Variants in ARL13B observed in about 807,000 individuals in gnomAD.
The protein encoded by ARL13B is ADP-ribosylation factor-like protein 13B.
Under a neutral mutation model 56.1 loss-of-function variants are expected in ARL13B, and 36 were observed. That is an observed-to-expected ratio of 0.64 (90% CI 0.49 to 0.85). The LOEUF is 0.85. ARL13B is among the 40% of genes least tolerant of loss of function. The pLI, the probability that ARL13B is intolerant of heterozygous loss-of-function variation, is 0.00. For missense variants in ARL13B, 519 were observed against 507.1 expected, an observed-to-expected ratio of 1.02 and a Z score of -0.23; for synonymous variants, 178 against 171.1, an observed-to-expected ratio of 1.04 and a Z score of -0.32.
intron 1 of ARL13B, among the ~76,000 whole-genome samples, chr3:93,990,318 A>G (rs2075849600): frequency 6.6e-6 from 1 of 152,016 alleles, no homozygotes; most frequent in Non-Finnish European, 1.5e-5. Context: ...CAGTTTGAGT[A>G]TCTCTTAGCT....
chr3:94,000,057 TG>T (rs1006060351), intron 2 of ARL13B, among the ~76,000 whole-genome samples: 114 of 152,324 alleles, frequency 7.5e-4, no homozygotes, highest in African/African-American at 2.7e-3. Flanking sequence ...CTTTAGGAGC[TG>T]AACCAAAAGC....
chr3:94,048,539 T>C (rs1456302109), intron 7 of ARL13B, among the ~76,000 whole-genome samples: 1 of 152,184 alleles, frequency 6.6e-6, no homozygotes, highest in Non-Finnish European at 1.5e-5. Flanking sequence ...GTGTTTGTAT[T>C]GTATTGGGCC....
chr3:93,982,372 C>T (rs1021283393), intron 1 of ARL13B, among the ~76,000 whole-genome samples: 1 of 152,190 alleles, frequency 6.6e-6, no homozygotes, highest in Non-Finnish European at 1.5e-5. Context: ...ACGAGCTACA[C>T]GTGGCTGTTG....
At chr3:93,993,478 T>C (rs2107370652) in intron 1 of ARL13B, among the ~76,000 whole-genome samples, 1 of 152,274 alleles carries the variant, frequency 6.6e-6, no homozygotes, top group East Asian at 1.9e-4. Context: ...TTCAGTGCAG[T>C]GACACAATCA....
intron 7 of ARL13B, among the ~76,000 whole-genome samples, chr3:94,044,072 C>T (rs1037037752): frequency 8.5e-5 from 13 of 152,058 alleles, no homozygotes; most frequent in Non-Finnish European, 1.6e-4. Flanking sequence ...TCTGCCTGCC[C>T]GCCACCCCGT....
intron 3 of ARL13B, among the ~76,000 whole-genome samples, chr3:94,028,107 T>TA (rs2076595598): frequency 6.6e-6 from 1 of 152,180 alleles, no homozygotes; most frequent in African/African-American, 2.4e-5. Flanking sequence ...AGCTTACTTT[T>TA]TAAAAGACTT....
Position 94,017,969 on chromosome 3 carries a change from G to A in ARL13B, c.380+14061G>A, listed in dbSNP as rs560877174. Among the ~76,000 whole-genome samples the A allele has an allele frequency of 7.9e-5, 12 of 152,230 alleles. No individual in the cohort carries two copies. In the South Asian group the frequency reaches 1.9e-3, roughly 24 times the overall value. Reference sequence around the variant, plus strand: ...AAGGACTTGTGGGCCAAAGGAAGGAGTTTAGATTTTATTCTAGGTGCAGTA... The same window carrying A: ...AAGGACTTGTGGGCCAAAGGAAGGAATTTAGATTTTATTCTAGGTGCAGTA... On this transcript the variant is annotated intron_variant, in intron 3 of 9. Transcript: ENST00000394222.
At chr3:94,050,266 C>T (rs1423095289) in intron 8 of ARL13B, among the ~76,000 whole-genome samples, 1 of 151,900 alleles carries the variant, frequency 6.6e-6, no homozygotes, top group African/African-American at 2.4e-5. Flanking sequence ...ATATACATAC[C>T]CATGTCCTAA....
Position 94,055,633 on chromosome 3 carries a change from T to C in ARL13B, c.*2370T>C, listed in dbSNP as rs1392688439. On this transcript the variant is annotated 3_prime_UTR_variant, in exon 10 of 10. Coordinates refer to ENST00000394222, the MANE Select transcript of ARL13B (RefSeq NM_001174150.2). ...TGCATATTACGTAGTATACATGATATTGTATGTAACTGACTTCAAATATAA... is the reference window on the plus strand; with the variant it reads ...TGCATATTACGTAGTATACATGATACTGTATGTAACTGACTTCAAATATAA... The C allele has an allele frequency of 4.4e-6, 2 of 453,590 alleles. No homozygotes were observed. The highest frequency in any genetic ancestry group is 8.8e-6 in the Non-Finnish European group (2 of 226,566). 28.1% of individuals were successfully genotyped at this position (453,590 alleles called of 1,614,324 possible).
chr3:94,009,758 G>A (rs1372579471), intron 3 of ARL13B, among the ~76,000 whole-genome samples: 1 of 151,930 alleles, frequency 6.6e-6, no homozygotes, highest in Non-Finnish European at 1.5e-5. Flanking sequence ...TACTTATACT[G>A]TTGACTCATC....
intron 3 of ARL13B, among the ~76,000 whole-genome samples, chr3:94,019,649 C>T (rs572819944): frequency 6.6e-5 from 10 of 150,798 alleles, no homozygotes; most frequent in African/African-American, 2.2e-4. Flanking sequence ...TAGGTCAGAC[C>T]ATGTCATTCC....
Position 94,054,832 on chromosome 3 carries a change from G to A in ARL13B, c.*1569G>A. 2.7e-6 allele frequency: 1 copy of A among 367,452 alleles called. No individual in the cohort carries two copies. The highest frequency in any genetic ancestry group is 2.1e-5 in the South Asian group (1 of 46,850). The allele number at this position is 367,452 out of a possible 1,614,324, so 22.8% of individuals were successfully genotyped here. Reference sequence around the variant, plus strand: ...AAAATTCGTAACAACCTAAATTTGAGAGGTGGCTGAAATGTGATGAAAAGC... The same window carrying A: ...AAAATTCGTAACAACCTAAATTTGAAAGGTGGCTGAAATGTGATGAAAAGC... On this transcript the variant is annotated 3_prime_UTR_variant, in exon 10 of 10. Transcript: ENST00000394222.
At chr3:94,037,436 A>G (rs1409386187) in intron 5 of ARL13B, among the ~76,000 whole-genome samples, 1 of 152,174 alleles carries the variant, frequency 6.6e-6, no homozygotes, top group Non-Finnish European at 1.5e-5. Context: ...AAATCCTCTG[A>G]TAACTGGTAT....
chr3:94,029,450 C>G (rs2076635473), intron 3 of ARL13B, among the ~76,000 whole-genome samples: 1 of 148,508 alleles, frequency 6.7e-6, no homozygotes, highest in Non-Finnish European at 1.5e-5. Context: ...CGGGTTCAAG[C>G]AATTCTGCTG....
intron 3 of ARL13B, among the ~76,000 whole-genome samples, chr3:94,033,585 T>TA (rs1279173288): frequency 6.6e-6 from 1 of 152,172 alleles, no homozygotes; most frequent in Non-Finnish European, 1.5e-5. Flanking sequence ...ACTATAAAGT[T>TA]ACTGTTTCAT....
chr3:93,984,605 AAGT>A (rs1204781403), intron 1 of ARL13B, among the ~76,000 whole-genome samples: 1 of 152,160 alleles, frequency 6.6e-6, no homozygotes, highest in Non-Finnish European at 1.5e-5. Flanking sequence ...ATTTGTGTGT[AAGT>A]AGAACTGTGC....
At chr3:94,021,101 A>G (rs1271432657) in intron 3 of ARL13B, among the ~76,000 whole-genome samples, 1 of 151,874 alleles carries the variant, frequency 6.6e-6, no homozygotes, top group Non-Finnish European at 1.5e-5. Flanking sequence ...ATTAGTCAGG[A>G]GGAATATTAG....
rs2077106408 is a variant in ARL13B at position 94,054,039 on chromosome 3, T to C, written c.*776T>C. ...TGTACCTAAATGTTTTTTAAATTAA[T>C]CAAAATACATTCTGTGAGATACTAT... is the stretch of plus-strand genomic sequence containing the variant. On this transcript the variant is annotated 3_prime_UTR_variant, in exon 10 of 10. Coordinates refer to ENST00000394222, the MANE Select transcript of ARL13B (RefSeq NM_001174150.2). 2.3e-6 allele frequency: 1 copy of C among 435,018 alleles called. No individual in the cohort carries two copies. The highest frequency in any genetic ancestry group is 2.0e-5 in the African/African-American group (1 of 49,148). The allele number at this position is 435,018 out of a possible 1,614,324, so 26.9% of individuals were successfully genotyped here.
chr3:94,045,950 CAAAAAA>C (rs1199964643), intron 7 of ARL13B, among the ~76,000 whole-genome samples: 2 of 44,450 alleles, frequency 4.5e-5, no homozygotes, highest in Admixed American at 2.3e-4. Context: ...GACTCCATCA[CAAAAAA>C]AAAAAAAAAA....
Sources: allele counts gnomAD v4.1 joint callset (sites outside exome capture counted in the v4.1 genomes callset), GRCh38; gene constraint gnomAD v4.1.1; transcripts MANE v1.5; gene names NCBI Gene and HGNC (gene_info 2026-07-23, HGNC 2026-07-21).